Variants in PVT1 observed in about 807,000 individuals in gnomAD.
The protein encoded by PVT1 is CXCR4/PVT1 fusion.
intron 4 of PVT1, among the ~76,000 whole-genome samples, chr8:128,009,875 A>C (rs1055809613): frequency 6.6e-6 from 1 of 152,236 alleles, no homozygotes; most frequent in Admixed American, 6.5e-5. Context: ...GAAATTTCTC[A>C]TTGATGAGAT....
intron 3 of PVT1, among the ~76,000 whole-genome samples, chr8:127,964,000 A>C (rs565034017): frequency 6.6e-6 from 1 of 152,182 alleles, no homozygotes; most frequent in East Asian, 1.9e-4. Flanking sequence ...GAATGGCTGA[A>C]TTTGCACTGT....
chr8:127,993,740 G>T (rs1303599718), intron 4 of PVT1, among the ~76,000 whole-genome samples: 1 of 152,176 alleles, frequency 6.6e-6, no homozygotes, highest in African/African-American at 2.4e-5. Flanking sequence ...AAGCTCCCCA[G>T]TCTGCCTTAA....
Position 128,041,610 on chromosome 8 carries a change from G to GGT in PVT1, n.913-28535_913-28534dup, listed in dbSNP as rs58542209. Among the ~76,000 whole-genome samples, 747 of 88,884 alleles carry GGT rather than the reference G, an allele frequency of 8.4e-3. 2 individuals are homozygous for GGT. The highest frequency in any genetic ancestry group is 0.02 in the African/African-American group (614 of 30,044). 58.3% of individuals were successfully genotyped at this position (88,884 alleles called of 152,430 possible). On this transcript the variant is annotated intron_variant and non_coding_transcript_variant, in intron 4 of 10. Transcript: ENST00000651587. Reference sequence around the variant, plus strand: ...TGTTTGCGTGTGTGTACATGTGTTTGGTGTGTGTGTGTGTGTTGTGTGCAT... The same window carrying GGT: ...TGTTTGCGTGTGTGTACATGTGTTTGGTGTGTGTGTGTGTGTGTTGTGTGCAT...
chr8:127,884,952 A>C (rs1475776345), intron 2 of PVT1, among the ~76,000 whole-genome samples: 1 of 152,226 alleles, frequency 6.6e-6, no homozygotes, highest in Non-Finnish European at 1.5e-5. Context: ...CGACCCCAAC[A>C]GAACAAACTT....
rs1298891651 is a variant in PVT1, at chr8:127,866,567, G to T, written n.373-24022G>T. Among the ~76,000 whole-genome samples the T allele has an allele frequency of 7.2e-5, 11 of 152,284 alleles. No individual in the cohort carries two copies. The East Asian group carries it at 2.1e-3, about 29-fold the overall frequency. On this transcript the variant is annotated intron_variant and non_coding_transcript_variant, in intron 2 of 10. Transcript: ENST00000651587. ...TAGCCCCTATCTAATAGAGACAGGA[G>T]TGGGCTGGGTGAGCATGGGGTGGTC...
chr8:127,968,429 A>G (rs1365574986), intron 3 of PVT1, among the ~76,000 whole-genome samples: 4 of 152,012 alleles, frequency 2.6e-5, no homozygotes, highest in Admixed American at 6.6e-5. Context: ...CATTAGGGAG[A>G]CACCAAGACA....
chr8:127,951,095 A>G (rs779600088), intron 3 of PVT1, among the ~76,000 whole-genome samples: 18 of 152,080 alleles, frequency 1.2e-4, no homozygotes, highest in Non-Finnish European at 2.1e-4. Context: ...ATGGGGTTTC[A>G]CCATGTTGGC....
At chr8:127,948,185 G>A (rs181598474) in intron 3 of PVT1, 2 of 349,954 alleles carry the variant, frequency 5.7e-6, no homozygotes, top group East Asian at 1.5e-4. Flanking sequence ...GTATTGTGCG[G>A]TGGCTGTGGA....
chr8:127,869,119 A>G (rs1815323650), intron 2 of PVT1, among the ~76,000 whole-genome samples: 1 of 151,874 alleles, frequency 6.6e-6, no homozygotes, highest in Non-Finnish European at 1.5e-5. Context: ...TGAAGTTGGC[A>G]TTATTATTCT....
intron 4 of PVT1, among the ~76,000 whole-genome samples, chr8:128,038,692 A>G (rs754053284): frequency 1.3e-5 from 2 of 152,092 alleles, no homozygotes; most frequent in African/African-American, 4.8e-5. Flanking sequence ...GGAATCCTCT[A>G]TTGCTTGCAA....
intron 3 of PVT1, among the ~76,000 whole-genome samples, chr8:127,891,342 A>G (rs1187693899): frequency 6.6e-6 from 1 of 152,234 alleles, no homozygotes; most frequent in East Asian, 1.9e-4. Flanking sequence ...AGGATTGTTA[A>G]TGAATGAAGA....
chr8:127,919,580 C>T (rs77378682), intron 3 of PVT1, among the ~76,000 whole-genome samples: 1,574 of 152,326 alleles, frequency 0.01, 33 homozygotes, highest in African/African-American at 0.037. Context: ...CACTCCGGCT[C>T]TATTGGCGAC....
At chr8:127,890,571 T>A (rs953177138) in intron 2 of PVT1, 7 of 152,286 alleles carry the variant, frequency 4.6e-5, no homozygotes, top group African/African-American at 1.4e-4. Flanking sequence ...ACTGTTTTTT[T>A]CTTCTTCCCT....
intron 2 of PVT1, among the ~76,000 whole-genome samples, chr8:127,825,564 T>C (rs1186733961): frequency 6.6e-6 from 1 of 152,194 alleles, no homozygotes; most frequent in African/African-American, 2.4e-5. Context: ...GGGCACACAG[T>C]AGATGATGAC....
At chr8:127,872,349 A>G (rs202168213) in intron 2 of PVT1, among the ~76,000 whole-genome samples, 1 of 148,966 alleles carries the variant, frequency 6.7e-6, no homozygotes, top group East Asian at 2.0e-4. Flanking sequence ...GGAGGTGGAG[A>G]TTGCAGTGAG....
chr8:127,817,909 C>T (rs922250776), intron 2 of PVT1, among the ~76,000 whole-genome samples: 2 of 151,932 alleles, frequency 1.3e-5, no homozygotes, highest in East Asian at 1.9e-4. Flanking sequence ...GAGATTAACT[C>T]GGAGCCTGGA....
At chr8:127,823,265 GCCAGC>G (rs1314235836) in intron 2 of PVT1, among the ~76,000 whole-genome samples, 2 of 152,146 alleles carry the variant, frequency 1.3e-5, no homozygotes, top group Non-Finnish European at 2.9e-5. Context: ...GGCTGTGGCT[GCCAGC>G]CCATCCCACT....
At chr8:127,984,901 CTTTCTTTCTTTCTT>C (rs1563657554) in intron 3 of PVT1, among the ~76,000 whole-genome samples, 2,188 of 96,410 alleles carry the variant, frequency 0.023, 176 homozygotes, top group Admixed American at 0.082. Context: ...TTCTTTCTTT[CTTTCTTTCTTTCTT>C]TCTTTCTCTT....
intron 5 of PVT1, among the ~76,000 whole-genome samples, chr8:128,077,742 G>A (rs933139979): frequency 6.6e-6 from 1 of 152,068 alleles, no homozygotes. Flanking sequence ...TGCAGATCTG[G>A]TTTGCATTTT....
Sources: gnomAD v4.1 joint callset for allele counts (sites outside exome capture counted in the v4.1 genomes callset) on GRCh38, gnomAD v4.1.1 for gene constraint, MANE v1.5 for transcripts, NCBI Gene and HGNC (gene_info 2026-07-23, HGNC 2026-07-21) for gene names.